Variants in CR1 observed in about 807,000 individuals in gnomAD.
CR1 encodes complement C3b/C4b receptor 1 (Knops blood group), also known as complement receptor type 1.
A neutral mutation model predicts 187.3 loss-of-function variants in CR1; 116 were observed. That is an observed-to-expected ratio of 0.62 (90% CI 0.53 to 0.72). CR1 has a LOEUF of 0.72. Among genes scored for constraint, CR1 ranks in the 30% least tolerant of loss-of-function variants. The probability of loss-of-function intolerance (pLI) is 0.00; values close to 1 mark genes in which losing one functional copy is unlikely to be tolerated. For synonymous variants in CR1, 576 were observed against 747.1 expected, an observed-to-expected ratio of 0.77 and a Z score of 3.73; for missense variants, 1,731 against 2,110.7, an observed-to-expected ratio of 0.82 and a Z score of 3.52.
chr1:207,512,620 A>C (rs4562624), intron 4 of CR1, among the ~76,000 whole-genome samples: 132,490 of 152,196 alleles, frequency 0.87, 58,128 homozygotes, highest in African/African-American at 0.97. Context: ...AGAAAGTTTA[A>C]GAGCTTCAGA....
Position 207,616,711 on chromosome 1 carries a change from T to C in CR1, c.6798T>C (p.Ile2266=). 1.2e-6 allele frequency: 2 copies of C among 1,613,758 alleles called. No individual in the cohort carries two copies. Among genetic ancestry groups the C allele is most frequent in the Non-Finnish European group, 1.7e-6 (2 of 1,179,812 alleles). The change falls in exon 41 of 47, where the codon ATT becomes ATC. Residue 2266 remains isoleucine, a synonymous_variant. Coordinates refer to ENST00000367049, the MANE Select transcript of CR1 (RefSeq NM_000651.6). The stretch of plus-strand genomic sequence containing the variant: ...ACAGAGGGATGACCTTCAACCTCAT[T>C]GGGGAGAGCTCCATCCGCTGCACAA... ...HPDRGMTFNL[I]GESSIRCTSD...
chr1:207,639,095 T>C (rs952799122), intron 46 of CR1, among the ~76,000 whole-genome samples: 1 of 152,250 alleles, frequency 6.6e-6, no homozygotes, highest in African/African-American at 2.4e-5. Flanking sequence ...TTCCCGACAA[T>C]GGTTGCCCAT....
rs114888460 is a variant in CR1 at position 207,506,256 on chromosome 1, C to A, written c.301+173C>A. ...TTGTTACTGCTTTGAGTTCCTGGCG[C>A]CTTCATTAAAAGTTTATTTCATGAG... On this transcript the variant is annotated intron_variant, in intron 2 of 46. Coordinates refer to ENST00000367049, the MANE Select transcript of CR1 (RefSeq NM_000651.6). Among the ~76,000 whole-genome samples, 320 of 152,302 alleles carry A rather than the reference C, an allele frequency of 2.1e-3. 1 individual carries two copies. The highest frequency in any genetic ancestry group is 7.4e-3 in the African/African-American group (308 of 41,552).
rs41274778 is a variant in CR1, at chr1:207,639,613, C to T, written c.*204C>T. 25,728 of 552,380 alleles carry T rather than the reference C, an allele frequency of 0.047. 824 individuals are homozygous for T. The highest frequency in any genetic ancestry group is 0.1 in the South Asian group (4,190 of 40,126). 34.2% of individuals were successfully genotyped at this position (552,380 alleles called of 1,614,324 possible). Reference sequence around the variant, plus strand: ...TTTGTGTGCGTCACTGTGAAACCCCCACCCTTCTGCCTCGTGCTAAACGCA... The same window carrying T: ...TTTGTGTGCGTCACTGTGAAACCCCTACCCTTCTGCCTCGTGCTAAACGCA... On this transcript the variant is annotated 3_prime_UTR_variant, in exon 47 of 47. Transcript: ENST00000367049.
rs1253447823 is a variant in CR1, at chr1:207,639,572, G to T, written c.*163G>T. The T allele has an allele frequency of 9.4e-6, 6 of 635,142 alleles. No individual in the cohort carries two copies. In the East Asian group the frequency reaches 1.7e-4, roughly 18 times the overall value. 39.3% of individuals were successfully genotyped at this position (635,142 alleles called of 1,614,324 possible). The stretch of plus-strand genomic sequence containing the variant: ...GATGCTGCCCCTTCCCTGGTACCTA[G>T]CAAAGCTCCTGCCTCTTTGTGTGCG... On this transcript the variant is annotated 3_prime_UTR_variant, in exon 47 of 47. Transcript: ENST00000367049.
rs531835249 is a variant in CR1, at chr1:207,506,286, A to C, written c.301+203A>C. 2.6e-5 allele frequency among the ~76,000 whole-genome samples: 4 copies of C among 152,352 alleles called. No homozygotes were observed. In the South Asian group the frequency reaches 8.3e-4, roughly 32 times the overall value. The stretch of plus-strand genomic sequence containing the variant: ...ATTAAAAGTTTATTTCATGAGAAAC[A>C]GTCATTGCAGGACATGATTGAGGGA... On this transcript the variant is annotated intron_variant, in intron 2 of 46. Transcript: ENST00000367049.
intron 1 of CR1, among the ~76,000 whole-genome samples, chr1:207,503,482 G>A (rs535482187): frequency 4.9e-4 from 75 of 152,242 alleles, no homozygotes; most frequent in Admixed American, 4.2e-3. Flanking sequence ...GGGAGCAGGG[G>A]TTTTCTTGCT....
intron 43 of CR1, 107 bp from the exon 44 acceptor site, chr1:207,621,865 AG>A: frequency 1.2e-6 from 1 of 802,370 alleles, no homozygotes; most frequent in Non-Finnish European, 1.9e-6. Flanking sequence ...AAAAAATATT[AG>A]ACTGAGTCCT....
intron 46 of CR1, among the ~76,000 whole-genome samples, chr1:207,637,491 T>C (rs1268025500): frequency 0.047 from 4,184 of 89,604 alleles, no homozygotes; most frequent in Admixed American, 0.062. Context: ...AAGAAAAGTC[T>C]TGTAAATAAT....
chr1:207,640,200 G>T lies in CR1; in HGVS notation c.*791G>T, dbSNP rs902522255. The T allele has an allele frequency of 6.6e-6, 1 of 152,098 alleles. No homozygotes were observed. Among genetic ancestry groups the T allele is most frequent in the Non-Finnish European group, 1.5e-5 (1 of 68,026 alleles). 9.4% of individuals were successfully genotyped at this position (152,098 alleles called of 1,614,324 possible). ...GTGGCGTAATCTCGGCTCACTGCAA[G>T]CTCCGCCTCCCGGGTTGACACCATT... On this transcript the variant is annotated 3_prime_UTR_variant, in exon 47 of 47. Coordinates refer to ENST00000367049, the MANE Select transcript of CR1 (RefSeq NM_000651.6).
At chr1:207,629,513 C>T (rs1421817927) in intron 45 of CR1, among the ~76,000 whole-genome samples, 2 of 152,308 alleles carry the variant, frequency 1.3e-5, no homozygotes, top group East Asian at 3.9e-4. Context: ...CTCAAGTGTG[C>T]CTTCCCTGTC....
intron 46 of CR1, among the ~76,000 whole-genome samples, chr1:207,638,540 C>T (rs781532150): frequency 1.3e-5 from 2 of 152,206 alleles, no homozygotes; most frequent in South Asian, 4.1e-4. Flanking sequence ...TGGCCTTACA[C>T]GCAGGTCTGT....
intron 5 of CR1, among the ~76,000 whole-genome samples, chr1:207,525,660 A>T (rs1660144895): frequency 6.6e-6 from 1 of 152,038 alleles, no homozygotes; most frequent in South Asian, 2.1e-4. Context: ...CCCAGCTATC[A>T]AGGAAGATGA....
intron 1 of CR1, 32 bp from the exon 2 acceptor site, chr1:207,505,872 A>C: frequency 6.3e-7 from 1 of 1,575,230 alleles, no homozygotes; most frequent in South Asian, 1.2e-5. Flanking sequence ...TTTCTCCATT[A>C]ACTTTGATGC....
chr1:207,577,888 G>A lies in CR1; in HGVS notation c.4621G>A (p.Val1541Met), dbSNP rs1660807496. 6.2e-6 allele frequency: 10 copies of A among 1,613,426 alleles called. No homozygotes were observed. The highest frequency in any genetic ancestry group is 8.5e-6 in the Non-Finnish European group (10 of 1,179,838). ...AGAGAATTTTCACTATGGATCAGTG[G>A]TGACCTACCGCTGCAATCTTGGAAG... ...NRENFHYGSV[V>M]TYRCNLGSRG... Residue 1541 changes from valine to methionine, a missense_variant, in exon 29 of 47, where the codon GTG becomes ATG. Val to Met is a conservative substitution (Grantham distance 21). This residue lies in a region of CR1 where 1,312 missense variants were observed against 1,379.6 expected (regional missense o/e 0.95). Transcript: ENST00000367049.
At chr1:207,619,224 A>G (rs2102399870) in intron 42 of CR1, among the ~76,000 whole-genome samples, 1 of 151,496 alleles carries the variant, frequency 6.6e-6, no homozygotes, top group Non-Finnish European at 1.5e-5. Context: ...CTCTACCAAA[A>G]ATACAAAAAT....
chr1:207,582,902 G>T (rs569762637), intron 32 of CR1, among the ~76,000 whole-genome samples: 1 of 152,304 alleles, frequency 6.6e-6, no homozygotes, highest in African/African-American at 2.4e-5. Flanking sequence ...TGGGAATGGG[G>T]GAAATCAAAA....
At chr1:207,637,406 C>G (rs1404382451) in intron 46 of CR1, among the ~76,000 whole-genome samples, 1 of 152,254 alleles carries the variant, frequency 6.6e-6, no homozygotes, top group African/African-American at 2.4e-5. Flanking sequence ...ACTAAAACTT[C>G]TGTATTTTTT....
chr1:207,511,643 C>G lies in CR1; in HGVS notation c.476C>G (p.Pro159Arg). 1 of 1,612,508 alleles carries G rather than the reference C, an allele frequency of 6.2e-7. No individual in the cohort carries two copies. The highest frequency in any genetic ancestry group is 8.5e-7 in the Non-Finnish European group (1 of 1,178,802). The change falls in exon 4 of 47, where the codon CCT (proline) becomes CGT (arginine). Residue 159 changes from proline (P) to arginine (R), a missense_variant. Pro to Arg is a moderately radical substitution (Grantham distance 103, BLOSUM62 -2). Coordinates refer to ENST00000367049, the MANE Select transcript of CR1 (RefSeq NM_000651.6). ...ACTGTCATTTGGGATAATGAAACAC[C>G]TATTTGTGACAGTGAGTTGAAATAT... ...GDTVIWDNET[P>R]ICDRIPCGLP...
Sources: gnomAD v4.1 joint callset for allele counts (sites outside exome capture counted in the v4.1 genomes callset) on GRCh38, gnomAD v4.1.1 for gene constraint, gnomAD v4.1.1 regional missense constraint, MANE v1.5 for transcripts, NCBI Gene and HGNC (gene_info 2026-07-23, HGNC 2026-07-21) for gene names.